Variants in FBN2 observed in about 807,000 individuals in gnomAD.
FBN2 encodes fibrillin-2.
Under a neutral mutation model 355.6 loss-of-function variants are expected in FBN2, and 105 were observed. The ratio of observed to expected loss-of-function variants is 0.30; its 90% CI spans 0.25 to 0.35. FBN2 has a LOEUF of 0.35. FBN2 is among the 10% of genes least tolerant of loss of function. FBN2 has a pLI of 1.00. For synonymous variants in FBN2, 1,350 were observed against 1,301.2 expected (o/e 1.04, Z -0.81); for missense variants, 3,280 against 3,758.7 (o/e 0.87, Z 3.33).
chr5:128,291,733 C>T (rs760837819), intron 48 of FBN2, 79 bp from the exon 49 acceptor site: 117 of 1,263,052 alleles, frequency 9.3e-5, no homozygotes, highest in Non-Finnish European at 1.3e-4. Context: ...TGTCCACTAG[C>T]CAGCTGATAT....
rs897628389 is a variant in FBN2 at position 128,422,955 on chromosome 5, G to T, written c.953-14156C>A. On this transcript the variant is annotated intron_variant, in intron 7 of 64. Coordinates refer to ENST00000262464, the MANE Select transcript of FBN2 (RefSeq NM_001999.4). ...AAAATAAAAGATAAATATTTCTTTAGACCACAAATAGTATTGAAAAACAGT... is the reference window on the plus strand; with the variant it reads ...AAAATAAAAGATAAATATTTCTTTATACCACAAATAGTATTGAAAAACAGT... 3.9e-5 allele frequency among the ~76,000 whole-genome samples: 6 copies of T among 152,194 alleles called. No homozygotes were observed. The Middle Eastern group carries it at 0.01, about 259-fold the overall frequency.
chr5:128,438,645 G>T (rs1753837244), intron 7 of FBN2, among the ~76,000 whole-genome samples: 1 of 152,126 alleles, frequency 6.6e-6, no homozygotes, highest in African/African-American at 2.4e-5. Context: ...GGGGATAAAG[G>T]TTGCAATGCC....
chr5:128,333,476 A>T (rs183648841), intron 31 of FBN2, among the ~76,000 whole-genome samples: 33 of 152,282 alleles, frequency 2.2e-4, no homozygotes, highest in Middle Eastern at 6.8e-3. Context: ...CTAACTTTTT[A>T]AAAAAAGTAA....
chr5:128,452,212 ATGAT>A (rs949787887), intron 6 of FBN2, among the ~76,000 whole-genome samples: 5 of 152,160 alleles, frequency 3.3e-5, no homozygotes, highest in African/African-American at 9.7e-5. Context: ...GCAACTACTA[ATGAT>A]TGATTAATTC....
rs1056072695 is a variant in FBN2 at position 128,258,987 on chromosome 5, A to G, written c.*468T>C. The G allele has an allele frequency of 3.2e-5, 5 of 157,134 alleles. No individual in the cohort carries two copies. Among genetic ancestry groups the G allele is most frequent in the African/African-American group, 1.2e-4 (5 of 41,466 alleles). 9.7% of individuals were successfully genotyped at this position (157,134 alleles called of 1,614,324 possible). On this transcript the variant is annotated 3_prime_UTR_variant, in exon 65 of 65. Coordinates refer to ENST00000262464, the MANE Select transcript of FBN2 (RefSeq NM_001999.4). ...AAAAATAGCTCAAATTTATAAATCT[A>G]AAGAAAAACAAGTGAGTTTCCCTTT...
chr5:128,379,128 T>C (rs1387355984), intron 11 of FBN2, among the ~76,000 whole-genome samples: 4 of 152,094 alleles, frequency 2.6e-5, no homozygotes, highest in African/African-American at 7.2e-5. Context: ...TAATCAAGAA[T>C]TAAAGATTTT....
chr5:128,479,998 A>G (rs1460938645), intron 5 of FBN2, among the ~76,000 whole-genome samples: 7 of 66,842 alleles, frequency 1.0e-4, no homozygotes, highest in African/African-American at 3.9e-4. Flanking sequence ...ATATATATAT[A>G]TATATATATA....
intron 7 of FBN2, among the ~76,000 whole-genome samples, chr5:128,416,408 T>C (rs1244942698): frequency 6.6e-6 from 1 of 152,244 alleles, no homozygotes; most frequent in Non-Finnish European, 1.5e-5. Context: ...CAGAAGCTTT[T>C]AGTTTAATAG....
Position 128,457,714 on chromosome 5 carries a change from G to T in FBN2, c.826+7010C>A, listed in dbSNP as rs139765802. Among the ~76,000 whole-genome samples, 403 of 152,028 alleles carry T rather than the reference G, an allele frequency of 2.7e-3. 4 individuals carry two copies. Among genetic ancestry groups the T allele is most frequent in the African/African-American group, 9.3e-3 (387 of 41,458 alleles). On this transcript the variant is annotated intron_variant, in intron 6 of 64. Transcript: ENST00000262464. The stretch of plus-strand genomic sequence containing the variant: ...CATCCAGCCAAGCTAAGCTTCATAA[G>T]CAAAGGGGAAATAAAATATTTTCCA...
At chr5:128,297,911 G>A (rs1285973528) in intron 48 of FBN2, among the ~76,000 whole-genome samples, 1 of 151,624 alleles carries the variant, frequency 6.6e-6, no homozygotes, top group African/African-American at 2.4e-5. Flanking sequence ...CTCGTTAGTT[G>A]ATGCAGTTTC....
intron 5 of FBN2, among the ~76,000 whole-genome samples, chr5:128,495,454 G>C (rs1455930864): frequency 6.6e-6 from 1 of 151,966 alleles, no homozygotes; most frequent in African/African-American, 2.4e-5. Context: ...CCTCCAAGAA[G>C]TTTAACAAAG....
Position 128,301,384 on chromosome 5 carries a change from A to C in FBN2, c.6044T>G (p.Ile2015Arg). ...CTGCTTATTATTTAAATACTTACCT[A>C]TACAGTTTTTGCCATCTGGGGTAAG... Reference protein sequence around the residue: ...YELTPDGKNCIDTNECVALPG... With the variant: ...YELTPDGKNCRDTNECVALPG... Residue 2015 changes from isoleucine to arginine, a missense_variant and splice_region_variant, in exon 47 of 65, where the codon ATA (isoleucine) becomes AGA (arginine). Ile to Arg is a moderately conservative substitution (Grantham distance 97). Around this residue, in one of 6 missense-constraint regions of FBN2, gnomAD observed 2,284 missense variants for 2,749.5 expected, o/e 0.83. Transcript: ENST00000262464. The C allele has an allele frequency of 1.2e-6, 2 of 1,612,644 alleles. No homozygotes were observed. Among genetic ancestry groups the C allele is most frequent in the Admixed American group, 1.7e-5 (1 of 60,008 alleles).
intron 5 of FBN2, among the ~76,000 whole-genome samples, chr5:128,472,975 T>C (rs1754907059): frequency 6.6e-6 from 1 of 152,184 alleles, no homozygotes; most frequent in African/African-American, 2.4e-5. Flanking sequence ...AGAGTCACCA[T>C]GGAGGGCATG....
intron 56 of FBN2, 118 bp from the exon 57 acceptor site, chr5:128,278,959 T>C: frequency 1.2e-6 from 1 of 804,096 alleles, no homozygotes; most frequent in Non-Finnish European, 2.1e-6. Flanking sequence ...GACAGCTTAA[T>C]GTCTTAATTA....
At chr5:128,299,425 C>T (rs900406053) in intron 48 of FBN2, among the ~76,000 whole-genome samples, 1 of 140,810 alleles carries the variant, frequency 7.1e-6, no homozygotes, top group Non-Finnish European at 1.5e-5. Flanking sequence ...GGCGCCCCTC[C>T]CCCAGCCTCA....
chr5:128,519,163 G>C (rs1464250843), intron 5 of FBN2, 110 bp downstream of exon 5: 4 of 783,510 alleles, frequency 5.1e-6, no homozygotes, highest in Admixed American at 4.1e-5. Context: ...AATCAAAGAA[G>C]AGTAAAAATA....
intron 48 of FBN2, among the ~76,000 whole-genome samples, chr5:128,299,144 C>T (rs1233115222): frequency 3.9e-5 from 6 of 152,058 alleles, no homozygotes; most frequent in East Asian, 3.9e-4. Flanking sequence ...TTAGGCTGCT[C>T]GGGGGTCAGG....
At position 128,335,482 on chromosome 5, in the gene FBN2, G is replaced by A. The variant is rs192602314; in HGVS notation, c.3820C>T (p.Leu1274=). The A allele has an allele frequency of 4.3e-5, 69 of 1,614,168 alleles. No individual in the cohort carries two copies. The East Asian group carries it at 1.5e-3, about 35-fold the overall frequency. The change falls in exon 29 of 65, where the codon CTG becomes TTG. Residue 1274 remains leucine (L), a synonymous_variant. Transcript: ENST00000262464. ...GCACACGATCTCCCATCTGGCATCA[G>A]GGCATAACCCTCACTGCAGCTGCAT... The part of the protein sequence containing the change: ...YECSCSEGYA[L]MPDGRSCADI...
intron 4 of FBN2, among the ~76,000 whole-genome samples, chr5:128,524,234 G>T (rs1312491753): frequency 6.6e-6 from 1 of 151,962 alleles, no homozygotes; most frequent in African/African-American, 2.4e-5. Flanking sequence ...TTTTTCCATA[G>T]ATTTAAAGGC....
Sources: gnomAD v4.1 joint callset for allele counts (sites outside exome capture counted in the v4.1 genomes callset) on GRCh38, gnomAD v4.1.1 for gene constraint, gnomAD v4.1.1 regional missense constraint, MANE v1.5 for transcripts, NCBI Gene and HGNC (gene_info 2026-07-23, HGNC 2026-07-21) for gene names.